Variants in PTCH1 observed in about 807,000 individuals in gnomAD.
PTCH1 encodes the protein protein patched homolog 1.
In PTCH1, 14 loss-of-function variants were observed where a neutral mutation model predicts 144.6. The observed-to-expected ratio is 0.10, with a 90% confidence interval of 0.06 to 0.15. PTCH1 has a LOEUF of 0.15. PTCH1 is among the 10% of genes least tolerant of loss of function. The pLI, the probability that PTCH1 is intolerant of heterozygous loss-of-function variation, is 1.00. For synonymous variants in PTCH1, 833 were observed against 793.6 expected (o/e 1.05, Z -0.83); for missense variants, 1,623 against 1,948.3 (o/e 0.83, Z 3.14).
chr9:95,512,455 CTT>C (rs1323374718), upstream of PTCH1, among the ~76,000 whole-genome samples: 2 of 150,010 alleles, frequency 1.3e-5, no homozygotes, highest in Non-Finnish European at 2.9e-5. Flanking sequence ...TCTAATTGGC[CTT>C]GTTTCTGTAA....
chr9:95,506,801 TG>T, intron 1 of PTCH1: 1 of 1,104,088 alleles, frequency 9.1e-7, no homozygotes, highest in Non-Finnish European at 1.1e-6. Flanking sequence ...GGCCGCAGCG[TG>T]GGAGCTGCAC....
intron 15 of PTCH1, among the ~76,000 whole-genome samples, chr9:95,462,999 C>G (rs571637432): frequency 6.7e-6 from 1 of 149,416 alleles, no homozygotes; most frequent in African/African-American, 2.5e-5. Flanking sequence ...CCCCTCCCCC[C>G]ACCCACCCTT....
chr9:95,491,978 C>T, intron 2 of PTCH1, among the ~76,000 whole-genome samples: 1 of 152,164 alleles, frequency 6.6e-6, no homozygotes, highest in East Asian at 1.9e-4. Flanking sequence ...AACAGGAAAT[C>T]ATGTCAATTC....
upstream of PTCH1, among the ~76,000 whole-genome samples, chr9:95,511,185 C>G (rs1844138418): frequency 6.6e-6 from 1 of 150,450 alleles, no homozygotes; most frequent in South Asian, 2.1e-4. Flanking sequence ...CCGGGGCGGT[C>G]CACGCGGCTC....
intron 15 of PTCH1, among the ~76,000 whole-genome samples, chr9:95,463,448 C>G (rs1839717673): frequency 1.3e-5 from 2 of 152,120 alleles, no homozygotes; most frequent in Non-Finnish European, 2.9e-5. Context: ...CATGCACACA[C>G]AGGGTACTGA....
At position 95,458,989 on chromosome 9, in the gene PTCH1, T is replaced by C. The variant is rs894869788; in HGVS notation, c.2887+611A>G. Among the ~76,000 whole-genome samples the C allele has an allele frequency of 1.3e-5, 2 of 152,142 alleles. No homozygotes were observed. The highest frequency in any genetic ancestry group is 4.8e-5 in the African/African-American group (2 of 41,444). ...CCAGCCATGTTTGCAAGGGGACCCG[T>C]CTTCTTTCTCACATCCTCCCTTGGC... is the stretch of plus-strand genomic sequence containing the variant. On this transcript the variant is annotated intron_variant, in intron 17 of 23. Transcript: ENST00000331920. The surrounding 1 kb of genome is among the most constrained non-coding windows in gnomAD (Gnocchi z 4.7).
At chr9:95,516,028 C>T (rs943563374) in intron 1 of PTCH1, among the ~76,000 whole-genome samples, 2 of 152,058 alleles carry the variant, frequency 1.3e-5, no homozygotes, top group Non-Finnish European at 2.9e-5. Context: ...CGCACCAGCC[C>T]TTCCATCACC....
chr9:95,511,400 C>A (rs1844154909), upstream of PTCH1, among the ~76,000 whole-genome samples: 2 of 152,244 alleles, frequency 1.3e-5, no homozygotes, highest in Non-Finnish European at 1.5e-5. Flanking sequence ...CTTCCCCCGA[C>A]CCCCTAACCC....
At chr9:95,498,766 G>GTATTCAAGGAATGTTCCCACTGAGAGA (rs1305754660) in intron 2 of PTCH1, among the ~76,000 whole-genome samples, 1 of 152,170 alleles carries the variant, frequency 6.6e-6, no homozygotes, top group Non-Finnish European at 1.5e-5. Context: ...TTATATCTGT[G>GTATTCAAGGAATGTTCCCACTGAGAGA]TATTCAAGGA....
chr9:95,490,960 A>G (rs992245086), intron 2 of PTCH1, among the ~76,000 whole-genome samples: 1 of 152,238 alleles, frequency 6.6e-6, no homozygotes. Context: ...TCATATGCTT[A>G]TATCAAAACA....
rs193234348 is a variant in PTCH1, at chr9:95,453,680, C to G, written c.3307-60G>C. The stretch of plus-strand genomic sequence containing the variant: ...TGGACTTCACCTGGTAAATGCTCAG[C>G]TCTGTCCTAAATGTTACAAGCTCTC... On this transcript the variant is annotated intron_variant, in intron 19 of 23. Transcript: ENST00000331920. 6 of 1,604,314 alleles carry G rather than the reference C, an allele frequency of 3.7e-6. No homozygotes were observed. The Admixed American group carries it at 1.0e-4, about 27-fold the overall frequency.
intron 12 of PTCH1, among the ~76,000 whole-genome samples, chr9:95,475,051 A>G (rs1326887569): frequency 6.6e-6 from 1 of 152,230 alleles, no homozygotes; most frequent in African/African-American, 2.4e-5. Context: ...TGAGATATCA[A>G]AACTCCAGGC....
chr9:95,496,234 C>T (rs894905212), intron 2 of PTCH1, among the ~76,000 whole-genome samples: 3 of 152,128 alleles, frequency 2.0e-5, no homozygotes, highest in Non-Finnish European at 2.9e-5. Flanking sequence ...CTCGCTGCTG[C>T]GAAAAATGGT....
At position 95,494,180 on chromosome 9, in the gene PTCH1, G is replaced by A. The variant is rs1049344265; in HGVS notation, c.395-8306C>T. On this transcript the variant is annotated intron_variant, in intron 2 of 23. Transcript: ENST00000331920. ...GCATGCGCCGGAAGCAAGCTTCCCC[G>A]CCCCCACCAGCTGCTGGCAGTGCCA... is the stretch of plus-strand genomic sequence containing the variant. The A allele has an allele frequency of 3.1e-5, 30 of 983,264 alleles. No homozygotes were observed. In the African/African-American group the frequency reaches 5.1e-4, roughly 17 times the overall value. 60.9% of individuals were successfully genotyped at this position (983,264 alleles called of 1,614,324 possible).
At chr9:95,446,652 T>A (rs1183572916) in intron 23 of PTCH1, 1 of 586,886 alleles carries the variant, frequency 1.7e-6, no homozygotes. Flanking sequence ...GTGGTGCTGT[T>A]TGTGTCCTTG....
Position 95,507,011 on chromosome 9 carries a change from T to TG in PTCH1, c.202-413dup, listed in dbSNP as rs532674941. On this transcript the variant is annotated intron_variant, in intron 1 of 23. Transcript: ENST00000331920. ...GGTTCAGGAGCCAGCAAACCAGTCC[T>TG]GCTCTGTCCATCACCCTCGGGGACG... 7.0e-6 allele frequency: 7 copies of TG among 992,910 alleles called. No homozygotes were observed. The South Asian group carries it at 3.3e-4, about 46-fold the overall frequency. 61.5% of individuals were successfully genotyped at this position (992,910 alleles called of 1,614,324 possible). A position where few individuals can be genotyped will look rare whatever the true frequency, so the allele number is the denominator to read the frequency against.
intron 2 of PTCH1, among the ~76,000 whole-genome samples, chr9:95,499,574 T>C (rs964695621): frequency 4.0e-5 from 6 of 151,718 alleles, no homozygotes; most frequent in Non-Finnish European, 7.4e-5. Flanking sequence ...GAAACATTAA[T>C]AGTATTATAA....
chr9:95,487,442 T>C (rs1277535601), intron 2 of PTCH1, among the ~76,000 whole-genome samples: 1 of 152,232 alleles, frequency 6.6e-6, no homozygotes, highest in African/African-American at 2.4e-5. Context: ...GAGAAGCATC[T>C]ACCTACTCGG....
At chr9:95,514,479 T>C (rs1844278425) in intron 1 of PTCH1, 1 of 152,212 alleles carries the variant, frequency 6.6e-6, no homozygotes, top group Non-Finnish European at 1.5e-5. Flanking sequence ...ATCAGAAATA[T>C]AGGCATGAGA....
Sources: allele counts gnomAD v4.1 joint callset (sites outside exome capture counted in the v4.1 genomes callset), GRCh38; gene constraint gnomAD v4.1.1; non-coding constraint Gnocchi (gnomAD v3.1); transcripts MANE v1.5; gene names NCBI Gene and HGNC (gene_info 2026-07-23, HGNC 2026-07-21).